The following CYP2E1 variants were observed in gnomAD, a reference collection of about 807,000 sequenced individuals.
The protein encoded by CYP2E1 is cytochrome P450 2E1.
A neutral mutation model predicts 42.9 loss-of-function variants in CYP2E1; 31 were observed. The observed-to-expected ratio is 0.72, with a 90% CI of 0.54 to 0.98. The LOEUF is 0.98. Among genes scored for constraint, CYP2E1 ranks in the 50% least tolerant of loss-of-function variants. The probability of loss-of-function intolerance (pLI) is 0.00; values close to 1 mark genes in which losing one functional copy is unlikely to be tolerated. For synonymous variants in CYP2E1, 244 were observed against 248.9 expected (o/e 0.98, Z 0.19); for missense variants, 565 against 633.2 (o/e 0.89, Z 1.16).
intron 2 of CYP2E1, among the ~76,000 whole-genome samples, chr10:133,529,990 G>A (rs1424205351): frequency 6.6e-6 from 1 of 152,192 alleles, no homozygotes; most frequent in Non-Finnish European, 1.5e-5. Context: ...GTTCCGGGGA[G>A]CCCTTATCTG....
rs532736038 is a variant in CYP2E1 at position 133,538,218 on chromosome 10, C to T, written c.1297+326C>T. Among the ~76,000 whole-genome samples, 3 of 152,176 alleles carry T rather than the reference C, an allele frequency of 2.0e-5. No homozygotes were observed. The South Asian group carries it at 6.2e-4, about 32-fold the overall frequency. On this transcript the variant is annotated intron_variant, in intron 8 of 8. Coordinates refer to ENST00000252945, the MANE Select transcript of CYP2E1 (RefSeq NM_000773.4). ...TGAAAAGCTCTCAAAGCCATATTAC[C>T]CAATTCTCCCTAATTTTAAACCAGA...
chr10:133,533,763 A>G lies in CYP2E1; in HGVS notation c.833A>G (p.His278Arg), dbSNP rs1316414071. The change falls in exon 6 of 9, where the codon CAC becomes CGC. Residue 278 changes from histidine (H) to arginine (R), a missense_variant. Transcript: ENST00000252945. ...CTGTCTCCGGTATCACAGGAAAAGC[A>G]CAGTGCAGAGCGCTTGTACACAATG... Reference protein sequence around the residue: ...CLLVEMEKEKHSAERLYTMDG... With the variant: ...CLLVEMEKEKRSAERLYTMDG... 1 of 1,613,950 alleles carries G rather than the reference A, an allele frequency of 6.2e-7. No individual in the cohort carries two copies. The highest frequency in any genetic ancestry group is 8.5e-7 in the Non-Finnish European group (1 of 1,179,972).
rs754973375 is a variant in CYP2E1, at chr10:133,528,492, CT to C, written c.191del (p.Phe64SerfsTer16). 1.2e-6 allele frequency: 2 copies of C among 1,613,112 alleles called. No individual in the cohort carries two copies. Among genetic ancestry groups the C allele is most frequent in the Non-Finnish European group, 8.5e-7 (1 of 1,179,902 alleles). Reference sequence around the variant, plus strand: ...ACGGGTCTCCGCAGTTGGCCCAGCGCTTCGGGCCGGTGTTCACGCTGTACGT... The same window carrying C: ...ACGGGTCTCCGCAGTTGGCCCAGCGCTCGGGCCGGTGTTCACGCTGTACGT... ...PKSFTRLAQRFGPVFTLYVGS... is the reference protein window; with the variant it reads ...PKSFTRLAQRXGPVFTLYVGS... On this transcript the variant is annotated frameshift_variant, in exon 2 of 9. Transcript: ENST00000252945. LOFTEE classifies it high-confidence loss of function.
At chr10:133,536,969 T>G (rs963383568) in intron 6 of CYP2E1, 94 bp from the exon 7 acceptor site, 5 of 1,161,344 alleles carry the variant, frequency 4.3e-6, no homozygotes, top group Non-Finnish European at 6.3e-6. Flanking sequence ...GGCAGATGGA[T>G]AAAAGCGTGA....
intron 5 of CYP2E1, among the ~76,000 whole-genome samples, chr10:133,533,471 C>T (rs1851362708): frequency 1.3e-5 from 2 of 152,192 alleles, no homozygotes; most frequent in Admixed American, 6.5e-5. Flanking sequence ...TAGCTCCTGC[C>T]TGAGCTATGA....
In CYP2E1 at chr10:133,538,582, G is replaced by A. The variant is rs9629959; in HGVS notation, c.1298-198G>A. Among the ~76,000 whole-genome samples, 6 of 152,242 alleles carry A rather than the reference G, an allele frequency of 3.9e-5. 1 individual carries two copies. The highest frequency in any genetic ancestry group is 2.1e-4 in the South Asian group (1 of 4,824). ...TGAGATTGTATGAAGACTGGTCCCC[G>A]AATTAGTCAGTGTTGCTGGTATCCT... is the stretch of plus-strand genomic sequence containing the variant. On this transcript the variant is annotated intron_variant, in intron 8 of 8. Transcript: ENST00000252945.
At chr10:133,530,851 A>G (rs753894338) in intron 2 of CYP2E1, among the ~76,000 whole-genome samples, 13 of 152,190 alleles carry the variant, frequency 8.5e-5, no homozygotes, top group Non-Finnish European at 1.6e-4. Context: ...GGAGAAAATA[A>G]AAAGGTTTAC....
chr10:133,537,664 C>G, intron 7 of CYP2E1, 87 bp from the exon 8 acceptor site: 1 of 1,186,652 alleles, frequency 8.4e-7, no homozygotes, highest in Non-Finnish European at 1.2e-6. Flanking sequence ...GCATAATATT[C>G]AAAACTACAT....
intron 5 of CYP2E1, among the ~76,000 whole-genome samples, chr10:133,533,154 T>C (rs527717522): frequency 7.2e-5 from 11 of 152,306 alleles, no homozygotes; most frequent in African/African-American, 2.4e-4. Context: ...AATTGCATTT[T>C]GTCTGAGGAG....
chr10:133,531,754 C>G lies in CYP2E1; in HGVS notation c.487+20C>G, dbSNP rs751501231. 6 of 1,567,018 alleles carry G rather than the reference C, an allele frequency of 3.8e-6. No homozygotes were observed. The highest frequency in any genetic ancestry group is 2.6e-6 in the Non-Finnish European group (3 of 1,158,202). ...CCCAAGGTGCGTATCTGCTGCCTAG[C>G]AGGGCCCAGTCCTCTTGCAGACCAG... On this transcript the variant is annotated intron_variant, in intron 3 of 8. Coordinates refer to ENST00000252945, the MANE Select transcript of CYP2E1 (RefSeq NM_000773.4).
intron 2 of CYP2E1, 137 bp downstream of exon 2, chr10:133,528,777 A>G: frequency 8.5e-7 from 1 of 1,179,338 alleles, no homozygotes; most frequent in Non-Finnish European, 1.2e-6. Context: ...GGATGAGATC[A>G]GGATTAGGGC....
At chr10:133,538,738 G>C in intron 8 of CYP2E1, 42 bp from the exon 9 acceptor site, 1 of 1,574,730 alleles carries the variant, frequency 6.4e-7, no homozygotes, top group Non-Finnish European at 8.7e-7. Context: ...TCGTGTCTCT[G>C]AAACTCCCTC....
At chr10:133,537,959 T>G (rs920749202) in intron 8 of CYP2E1, 67 bp downstream of exon 8, 8 of 1,525,522 alleles carry the variant, frequency 5.2e-6, no homozygotes, top group Non-Finnish European at 7.1e-6. Flanking sequence ...CCCCTCCACA[T>G]GTGCTCTGCC....
intron 6 of CYP2E1, among the ~76,000 whole-genome samples, chr10:133,535,477 T>C (rs1035006714): frequency 6.6e-6 from 1 of 152,150 alleles, no homozygotes; most frequent in African/African-American, 2.4e-5. Flanking sequence ...GGCCTTTGCT[T>C]TTTCAATCAC....
At chr10:133,536,453 AT>A in intron 6 of CYP2E1, among the ~76,000 whole-genome samples, 1 of 144,504 alleles carries the variant, frequency 6.9e-6, no homozygotes, top group South Asian at 2.3e-4. Flanking sequence ...GGTTGGATGG[AT>A]GGGTGGGTGG....
chr10:133,528,055 G>A (rs1226313273), intron 1 of CYP2E1: 2 of 223,990 alleles, frequency 8.9e-6, no homozygotes, highest in Admixed American at 5.2e-5. Flanking sequence ...GGGTGTTTGC[G>A]CTCTTGCGCG....
chr10:133,531,505 T>G, intron 2 of CYP2E1, 80 bp from the exon 3 acceptor site: 1 of 1,517,318 alleles, frequency 6.6e-7, no homozygotes, highest in Non-Finnish European at 9.1e-7. Flanking sequence ...AATCCTGCCC[T>G]GCTCTCCAAG....
In CYP2E1 at chr10:133,539,039, T is replaced by A. The variant is rs993601441; in HGVS notation, c.*75T>A. The A allele has an allele frequency of 8.2e-7, 1 of 1,221,118 alleles. No individual in the cohort carries two copies. The highest frequency in any genetic ancestry group is 1.1e-6 in the Non-Finnish European group (1 of 882,498). The allele number at this position is 1,221,118 out of a possible 1,614,324, so 75.6% of individuals were successfully genotyped here. A position where few individuals can be genotyped will look rare whatever the true frequency, so the allele number is the denominator to read the frequency against. ...TGTTTGAGGTCAGGATTTCTCAAAC[T>A]GATTCCTTTCTTTGCATATGAGTAT... On this transcript the variant is annotated 3_prime_UTR_variant, in exon 9 of 9. Transcript: ENST00000252945.
chr10:133,531,105 A>G (rs1298135689), intron 2 of CYP2E1, among the ~76,000 whole-genome samples: 2 of 152,100 alleles, frequency 1.3e-5, no homozygotes, highest in East Asian at 3.9e-4. Context: ...TTTAGTGAAG[A>G]AACTTGCTGT....
Sources: gnomAD v4.1 joint callset for allele counts (sites outside exome capture counted in the v4.1 genomes callset) on GRCh38, gnomAD v4.1.1 for gene constraint, MANE v1.5 for transcripts, NCBI Gene and HGNC (gene_info 2026-07-23, HGNC 2026-07-21) for gene names.